The following ANKRD33B variants were observed in gnomAD, a reference collection of about 807,000 sequenced individuals.
The protein encoded by ANKRD33B is ankyrin repeat domain 33B, also known as ankyrin repeat domain-containing protein 33B.
A neutral mutation model predicts 21.5 loss-of-function variants in ANKRD33B; 6 were observed. The ratio of observed to expected loss-of-function variants is 0.28; its 90% confidence interval spans 0.15 to 0.55. ANKRD33B has a LOEUF of 0.55. ANKRD33B is among the 20% of genes least tolerant of loss of function. ANKRD33B has a pLI of 0.94. For synonymous variants in ANKRD33B, 347 were observed against 342.4 expected (o/e 1.01, Z -0.15); for missense variants, 698 against 747.2 (o/e 0.93, Z 0.77).
intron 1 of ANKRD33B, among the ~76,000 whole-genome samples, chr5:10,590,362 CAGTCTAGGTTGT>C (rs1735654328): frequency 6.6e-6 from 1 of 152,224 alleles, no homozygotes; most frequent in South Asian, 2.1e-4. Context: ...CAGAAGATTG[CAGTCTAGGTTGT>C]AGTTTTTATA....
intron 1 of ANKRD33B, among the ~76,000 whole-genome samples, chr5:10,597,712 C>A (rs959717158): frequency 2.6e-5 from 4 of 152,188 alleles, no homozygotes; most frequent in African/African-American, 9.7e-5. Context: ...GGACTCTCCA[C>A]CCTAAAACAA....
chr5:10,591,195 G>GTTTTTT (rs112409223), intron 1 of ANKRD33B, among the ~76,000 whole-genome samples: 1 of 132,076 alleles, frequency 7.6e-6, no homozygotes, highest in African/African-American at 2.8e-5. Flanking sequence ...TTTTTTAGTG[G>GTTTTTT]TTTTTTTTTT....
intron 1 of ANKRD33B, among the ~76,000 whole-genome samples, chr5:10,611,887 C>T (rs1360468291): frequency 6.6e-6 from 1 of 152,152 alleles, no homozygotes; most frequent in Non-Finnish European, 1.5e-5. Flanking sequence ...CACCCAGTGC[C>T]TAGTGTAGTG....
At chr5:10,640,618 CTTTCACCATTACTTAATTCTG>C (rs1382642686) in intron 3 of ANKRD33B, among the ~76,000 whole-genome samples, 1 of 152,214 alleles carries the variant, frequency 6.6e-6, no homozygotes, top group Non-Finnish European at 1.5e-5. Context: ...TGCGATGCTG[CTTTCACCATTACTTAATTCTG>C]TTATTTTAAT....
chr5:10,596,417 G>C (rs1048895512), intron 1 of ANKRD33B, among the ~76,000 whole-genome samples: 2 of 152,198 alleles, frequency 1.3e-5, no homozygotes, highest in African/African-American at 4.8e-5. Context: ...AGAACATGCA[G>C]TGTTTGTTTT....
At chr5:10,641,520 C>T (rs938579350) in intron 3 of ANKRD33B, among the ~76,000 whole-genome samples, 4 of 151,996 alleles carry the variant, frequency 2.6e-5, no homozygotes, top group Non-Finnish European at 4.4e-5. Context: ...TGAGCCACCG[C>T]GCCCTGCCCC....
intron 1 of ANKRD33B, among the ~76,000 whole-genome samples, chr5:10,573,284 C>T (rs1003100841): frequency 3.9e-5 from 6 of 152,020 alleles, no homozygotes; most frequent in Admixed American, 2.0e-4. Flanking sequence ...CTGGCTAACA[C>T]GGTGAAACCC....
At chr5:10,621,467 C>T (rs756624335) in intron 2 of ANKRD33B, among the ~76,000 whole-genome samples, 2 of 152,226 alleles carry the variant, frequency 1.3e-5, no homozygotes, top group African/African-American at 4.8e-5. Context: ...TCTTTGTCGG[C>T]AAGAAACCTG....
At chr5:10,566,043 A>G (rs916514514) in intron 1 of ANKRD33B, among the ~76,000 whole-genome samples, 8 of 152,138 alleles carry the variant, frequency 5.3e-5, no homozygotes, top group Non-Finnish European at 1.0e-4. Flanking sequence ...CCCTTGTACT[A>G]CATTGCCCCC....
rs190276471 is a variant in ANKRD33B at position 10,592,337 on chromosome 5, G to A, written c.367-25996G>A. Among the ~76,000 whole-genome samples, 28 of 151,942 alleles carry A rather than the reference G, an allele frequency of 1.8e-4. No homozygotes were observed. The East Asian group carries it at 5.2e-3, about 28-fold the overall frequency. On this transcript the variant is annotated intron_variant, in intron 1 of 3. Transcript: ENST00000296657. ...ATAGAAAATAGAATCCTGGCTGGGC[G>A]CGGTGGCGCCCATGCCTGTAATCCC...
intron 1 of ANKRD33B, among the ~76,000 whole-genome samples, chr5:10,593,945 G>T (rs1037063217): frequency 6.6e-6 from 1 of 152,116 alleles, no homozygotes; most frequent in Admixed American, 6.6e-5. Flanking sequence ...CCGAATTCTG[G>T]TCCCGTGGCA....
chr5:10,593,959 C>T (rs1275478220), intron 1 of ANKRD33B, among the ~76,000 whole-genome samples: 2 of 152,234 alleles, frequency 1.3e-5, no homozygotes, highest in Non-Finnish European at 2.9e-5. Flanking sequence ...CGTGGCAAGG[C>T]AGAACCTGTC....
intron 1 of ANKRD33B, among the ~76,000 whole-genome samples, chr5:10,602,132 C>T (rs1261917626): frequency 6.6e-6 from 1 of 152,256 alleles, no homozygotes; most frequent in Admixed American, 6.5e-5. Flanking sequence ...TCCTGTGTCC[C>T]CGAAGGGGTG....
At position 10,649,719 on chromosome 5, in the gene ANKRD33B, G is replaced by C; in HGVS notation, c.1091G>C (p.Gly364Ala). Residue 364 changes from glycine (G) to alanine (A), a missense_variant, in exon 4 of 4, where the codon GGC (glycine) becomes GCC (alanine). Gly to Ala is a moderately conservative substitution (Grantham distance 60). This residue lies in a region of ANKRD33B where 543 missense variants were observed against 566.5 expected (regional missense o/e 0.96). Coordinates refer to ENST00000296657, the MANE Select transcript of ANKRD33B (RefSeq NM_001164440.2). ...GCGCAGGAGGAGGATGAGGTGGGGG[G>C]CGCGGGGCAGCGCGGGCGGACCGGA... ...PQAQEEDEVG[G>A]AGQRGRTGQE... The C allele has an allele frequency of 6.7e-7, 1 of 1,494,450 alleles. No individual in the cohort carries two copies. Among genetic ancestry groups the C allele is most frequent in the Non-Finnish European group, 8.9e-7 (1 of 1,125,856 alleles). 92.6% of individuals were successfully genotyped at this position (1,494,450 alleles called of 1,614,324 possible).
chr5:10,649,551 T>G lies in ANKRD33B; in HGVS notation c.923T>G (p.Met308Arg). The G allele has an allele frequency of 6.5e-7, 1 of 1,528,314 alleles. No individual in the cohort carries two copies. Among genetic ancestry groups the G allele is most frequent in the South Asian group, 1.2e-5 (1 of 83,542 alleles). The allele number at this position is 1,528,314 out of a possible 1,614,324, so 94.7% of individuals were successfully genotyped here. ...GPEDGGVLDH[M>R]VRMTTSLYSP... Reference sequence around the variant, plus strand: ...GAGGACGGGGGCGTCCTGGACCACATGGTCCGGATGACCACGAGCCTCTAC... The same window carrying G: ...GAGGACGGGGGCGTCCTGGACCACAGGGTCCGGATGACCACGAGCCTCTAC... The change falls in exon 4 of 4, where the codon ATG becomes AGG. Residue 308 changes from methionine to arginine, a missense_variant. Physicochemically the swap from Met to Arg is moderately conservative, Grantham distance 91 (BLOSUM62 -1). This residue lies in a region of ANKRD33B where 543 missense variants were observed against 566.5 expected (regional missense o/e 0.96). Transcript: ENST00000296657.
chr5:10,621,580 C>T (rs971369333), intron 2 of ANKRD33B, among the ~76,000 whole-genome samples: 1 of 152,148 alleles, frequency 6.6e-6, no homozygotes, highest in African/African-American at 2.4e-5. Context: ...AAAAATTTGA[C>T]TCTTAGGTGG....
intron 1 of ANKRD33B, among the ~76,000 whole-genome samples, chr5:10,612,451 A>G (rs1352068581): frequency 1.3e-5 from 2 of 152,234 alleles, no homozygotes; most frequent in African/African-American, 2.4e-5. Flanking sequence ...TAGTGGCCAC[A>G]TCTCCTAATA....
At chr5:10,632,054 C>T (rs985066456) in intron 2 of ANKRD33B, among the ~76,000 whole-genome samples, 64 of 152,202 alleles carry the variant, frequency 4.2e-4, no homozygotes, top group African/African-American at 1.5e-3. Flanking sequence ...GCGCATTGCC[C>T]TTCCATCCTG....
intron 1 of ANKRD33B, among the ~76,000 whole-genome samples, chr5:10,610,826 C>T (rs1736154095): frequency 6.6e-6 from 1 of 152,164 alleles, no homozygotes; most frequent in South Asian, 2.1e-4. Context: ...GGGTGGATCA[C>T]CTGAGGTCAG....
Sources: gnomAD v4.1 joint callset for allele counts (sites outside exome capture counted in the v4.1 genomes callset) on GRCh38, gnomAD v4.1.1 for gene constraint, gnomAD v4.1.1 regional missense constraint, MANE v1.5 for transcripts, NCBI Gene and HGNC (gene_info 2026-07-23, HGNC 2026-07-21) for gene names.